Variants in EYA2 observed in about 807,000 individuals in gnomAD.
EYA2 encodes the protein EYA transcriptional coactivator and phosphatase 2.
A neutral mutation model predicts 69.2 loss-of-function variants in EYA2; 31 were observed. The observed-to-expected ratio is 0.45, with a 90% CI of 0.34 to 0.60. The LOEUF (loss-of-function observed/expected upper bound fraction) is 0.60. Among genes scored for constraint, EYA2 ranks in the 20% least tolerant of loss-of-function variants. EYA2 has a pLI of 0.02. For synonymous variants in EYA2, 257 were observed against 279.4 expected (o/e 0.92, Z 0.80); for missense variants, 622 against 701.2 (o/e 0.89, Z 1.28).
At chr20:47,185,758 T>G (rs577444112) in intron 15 of EYA2, among the ~76,000 whole-genome samples, 3 of 152,310 alleles carry the variant, frequency 2.0e-5, no homozygotes, top group African/African-American at 7.2e-5. Flanking sequence ...AGGAGATGGT[T>G]TTCTGCTTCC....
chr20:47,183,345 A>G lies in EYA2; in HGVS notation c.1490A>G (p.Tyr497Cys). ...CAGAGATTCGGCAGAAAAGCTGTCTACGTGGTGATCGGTGATGGTGTGGAA... is the reference window on the plus strand; with the variant it reads ...CAGAGATTCGGCAGAAAAGCTGTCTGCGTGGTGATCGGTGATGGTGTGGAA... The part of the protein sequence containing the change: ...IMQRFGRKAV[Y>C]VVIGDGVEEE... The change falls in exon 15 of 16, where the codon TAC becomes TGC. Residue 497 changes from tyrosine to cysteine, a missense_variant. By Grantham distance (194) the Tyr-to-Cys change is radical. Transcript: ENST00000327619. 1.2e-6 allele frequency: 2 copies of G among 1,614,136 alleles called. No homozygotes were observed. The highest frequency in any genetic ancestry group is 1.7e-6 in the Non-Finnish European group (2 of 1,180,026).
At chr20:46,945,289 G>A (rs3091414) in intron 1 of EYA2, among the ~76,000 whole-genome samples, 6,304 of 152,232 alleles carry the variant, frequency 0.041, 202 homozygotes, top group African/African-American at 0.084. Flanking sequence ...TTAGGACAGT[G>A]CCTGGCAGTT....
chr20:46,996,004 G>A (rs1357638371), intron 2 of EYA2, among the ~76,000 whole-genome samples: 1 of 152,216 alleles, frequency 6.6e-6, no homozygotes, highest in African/African-American at 2.4e-5. Context: ...GCACAGCCAA[G>A]ATTTAAATTT....
At chr20:46,952,487 A>T (rs1448667703) in intron 1 of EYA2, among the ~76,000 whole-genome samples, 1 of 152,224 alleles carries the variant, frequency 6.6e-6, no homozygotes, top group Non-Finnish European at 1.5e-5. Context: ...TCATTCATTC[A>T]TTCAACAAGG....
chr20:47,025,211 T>C (rs1984007402), intron 5 of EYA2, among the ~76,000 whole-genome samples: 1 of 152,230 alleles, frequency 6.6e-6, no homozygotes, highest in Non-Finnish European at 1.5e-5. Flanking sequence ...TTCACCATGC[T>C]ATCATTTTTA....
At chr20:47,123,086 TGAGTTAATACATGTC>T (rs1339961535) in intron 9 of EYA2, among the ~76,000 whole-genome samples, 1 of 152,142 alleles carries the variant, frequency 6.6e-6, no homozygotes, top group Non-Finnish European at 1.5e-5. Flanking sequence ...GAGGATTACA[TGAGTTAATACATGTC>T]GAGTGTTTGG....
intron 9 of EYA2, among the ~76,000 whole-genome samples, chr20:47,140,323 A>G (rs2033567964): frequency 6.6e-6 from 1 of 152,118 alleles, no homozygotes; most frequent in African/African-American, 2.4e-5. Flanking sequence ...CAAGAGTGCT[A>G]AGCTTTGGCT....
intron 10 of EYA2, among the ~76,000 whole-genome samples, chr20:47,143,990 T>A (rs2146600662): frequency 6.6e-6 from 1 of 152,346 alleles, no homozygotes; most frequent in East Asian, 1.9e-4. Flanking sequence ...GGGTTTTGGC[T>A]GATAAAAGGA....
intron 10 of EYA2, among the ~76,000 whole-genome samples, chr20:47,149,688 C>CAAAAAAAAAAAAAAAAAAAA (rs59780173): frequency 9.7e-6 from 1 of 102,704 alleles, no homozygotes; most frequent in African/African-American, 3.7e-5. Context: ...ACTAAAAATA[C>CAAAAAAAAAAAAAAAAAAAA]AAAAAAAAAA....
chr20:46,932,214 C>T (rs575299102), intron 1 of EYA2, among the ~76,000 whole-genome samples: 1 of 152,126 alleles, frequency 6.6e-6, no homozygotes, highest in African/African-American at 2.4e-5. Context: ...CCCGGGTTTG[C>T]ACCTCCAGGC....
intron 10 of EYA2, among the ~76,000 whole-genome samples, chr20:47,152,198 C>T (rs1438566727): frequency 6.6e-6 from 1 of 151,928 alleles, no homozygotes; most frequent in Non-Finnish European, 1.5e-5. Context: ...GTTTCTGGTT[C>T]TGCAACCTCA....
At chr20:47,123,982 A>C (rs1352400366) in intron 9 of EYA2, among the ~76,000 whole-genome samples, 1 of 79,408 alleles carries the variant, frequency 1.3e-5, no homozygotes, top group Non-Finnish European at 2.9e-5. Context: ...ATTCCATCTC[A>C]AAAAAAAAAA....
At chr20:47,006,887 A>C (rs1305160321) in intron 4 of EYA2, among the ~76,000 whole-genome samples, 2 of 152,166 alleles carry the variant, frequency 1.3e-5, no homozygotes, top group Non-Finnish European at 2.9e-5. Flanking sequence ...CCATGAAGAC[A>C]CTTGAGTTTG....
chr20:47,181,320 C>G (rs567070662), intron 14 of EYA2, among the ~76,000 whole-genome samples: 4 of 152,240 alleles, frequency 2.6e-5, no homozygotes, highest in Middle Eastern at 3.4e-3. Context: ...AGGTCTCTCC[C>G]GTTTTATTTT....
At chr20:47,101,678 T>A (rs1472622273) in intron 9 of EYA2, among the ~76,000 whole-genome samples, 1 of 152,192 alleles carries the variant, frequency 6.6e-6, no homozygotes, top group Non-Finnish European at 1.5e-5. Flanking sequence ...AAATTAGTTA[T>A]GTTTGAGAGG....
intron 9 of EYA2, among the ~76,000 whole-genome samples, chr20:47,123,400 C>T (rs1432523630): frequency 2.6e-5 from 4 of 152,052 alleles, no homozygotes; most frequent in South Asian, 2.1e-4. Context: ...GGTCCACGCA[C>T]GTTTATGTCT....
chr20:47,037,430 T>C (rs1368097046), intron 5 of EYA2, among the ~76,000 whole-genome samples: 1 of 152,236 alleles, frequency 6.6e-6, no homozygotes, highest in Middle Eastern at 3.2e-3. Context: ...TTATTACGTG[T>C]TGCATTGTTA....
chr20:47,004,577 C>T (rs924495521), intron 3 of EYA2, among the ~76,000 whole-genome samples: 2 of 152,160 alleles, frequency 1.3e-5, no homozygotes, highest in Non-Finnish European at 2.9e-5. Flanking sequence ...AGGGTGTTTC[C>T]GTATCATGGC....
chr20:46,926,497 C>CCTT (rs781061034), intron 1 of EYA2, among the ~76,000 whole-genome samples: 4 of 152,276 alleles, frequency 2.6e-5, no homozygotes, highest in African/African-American at 9.6e-5. Flanking sequence ...GGGAGAAATT[C>CCTT]CTTCTTCTTC....
Sources: gnomAD v4.1 joint callset for allele counts (sites outside exome capture counted in the v4.1 genomes callset) on GRCh38, gnomAD v4.1.1 for gene constraint, MANE v1.5 for transcripts, NCBI Gene and HGNC (gene_info 2026-07-23, HGNC 2026-07-21) for gene names.